The following LPP variants were observed in gnomAD, a reference collection of about 807,000 sequenced individuals.
The protein encoded by LPP is lipoma-preferred partner.
LPP carries 38 observed loss-of-function variants against 60.4 expected under a neutral mutation model. The ratio of observed to expected loss-of-function variants is 0.63; its 90% CI spans 0.49 to 0.83. The LOEUF (loss-of-function observed/expected upper bound fraction) is 0.83. LPP is among the 40% of genes least tolerant of loss of function. The pLI, the probability that LPP is intolerant of heterozygous loss-of-function variation, is 0.00. For missense variants in LPP, 902 were observed against 783.6 expected (o/e 1.15, Z -1.80); for synonymous variants, 328 against 290.8 (o/e 1.13, Z -1.30).
chr3:188,628,454 G>A (rs1027583656), intron 7 of LPP, among the ~76,000 whole-genome samples: 27 of 152,106 alleles, frequency 1.8e-4, no homozygotes, highest in African/African-American at 6.5e-4. Context: ...AAAACCCTCA[G>A]CGACTCTTAT....
At chr3:188,702,486 T>G (rs1051962638) in intron 7 of LPP, among the ~76,000 whole-genome samples, 6 of 152,162 alleles carry the variant, frequency 3.9e-5, no homozygotes, top group Non-Finnish European at 8.8e-5. Context: ...ATTGCCTATT[T>G]TCATGTCTCT....
At chr3:188,792,281 T>A (rs1280961533) in intron 9 of LPP, among the ~76,000 whole-genome samples, 2 of 152,210 alleles carry the variant, frequency 1.3e-5, no homozygotes, top group African/African-American at 4.8e-5. Context: ...TCCTTCTTAG[T>A]TTCAGCTCCA....
At chr3:188,466,704 C>G (rs1379608096) in intron 4 of LPP, among the ~76,000 whole-genome samples, 1 of 149,148 alleles carries the variant, frequency 6.7e-6, no homozygotes, top group Non-Finnish European at 1.5e-5. Context: ...CTTTCTATAT[C>G]ATGACAGTAG....
chr3:188,672,676 C>T (rs1013052812), intron 7 of LPP, among the ~76,000 whole-genome samples: 1 of 152,168 alleles, frequency 6.6e-6, no homozygotes, highest in African/African-American at 2.4e-5. Context: ...TGTGCCCTTC[C>T]TCTTCCTATA....
chr3:188,683,565 C>T (rs1420227065), intron 7 of LPP, among the ~76,000 whole-genome samples: 1 of 152,134 alleles, frequency 6.6e-6, no homozygotes, highest in Non-Finnish European at 1.5e-5. Context: ...GTAGGAGTTG[C>T]TGTGTCCATT....
At chr3:188,560,578 A>G (rs1036953720) in intron 6 of LPP, among the ~76,000 whole-genome samples, 15 of 152,088 alleles carry the variant, frequency 9.9e-5, no homozygotes, top group South Asian at 8.3e-4. Flanking sequence ...TTAAATGACA[A>G]TCCTATACCT....
Position 188,199,897 on chromosome 3 carries a change from T to C in LPP, c.-189-25508T>C, listed in dbSNP as rs146716624. On this transcript the variant is annotated intron_variant, in intron 1 of 11. Transcript: ENST00000617246. ...GCCCAGCTAACTTTTGTATTTTTAG[T>C]AGAGACGGGGTTTCACCATGTTGGC... is the stretch of plus-strand genomic sequence containing the variant. Among the ~76,000 whole-genome samples the C allele has an allele frequency of 5.9e-4, 90 of 152,106 alleles. 1 individual carries two copies. Among genetic ancestry groups the C allele is most frequent in the African/African-American group, 2.0e-3 (85 of 41,504 alleles).
At chr3:188,380,654 G>T (rs990898303) in intron 3 of LPP, among the ~76,000 whole-genome samples, 13 of 152,148 alleles carry the variant, frequency 8.5e-5, no homozygotes, top group African/African-American at 2.9e-4. Context: ...GAGATTACAT[G>T]GTTCAAATGT....
At chr3:188,592,774 A>T (rs1251309104) in intron 6 of LPP, among the ~76,000 whole-genome samples, 1 of 151,708 alleles carries the variant, frequency 6.6e-6, no homozygotes, top group African/African-American at 2.4e-5. Context: ...ACTCCTAACC[A>T]GGTGATCTGC....
intron 7 of LPP, among the ~76,000 whole-genome samples, chr3:188,635,778 C>A (rs1287204524): frequency 2.0e-5 from 3 of 152,210 alleles, no homozygotes; most frequent in Admixed American, 6.5e-5. Flanking sequence ...CCCAGTGGCA[C>A]AATAAGCACT....
chr3:188,348,266 C>T (rs1285636548), intron 3 of LPP, among the ~76,000 whole-genome samples: 3 of 152,050 alleles, frequency 2.0e-5, no homozygotes, highest in Non-Finnish European at 4.4e-5. Flanking sequence ...CCTGCTTCAG[C>T]CTCTGTAGTA....
intron 4 of LPP, among the ~76,000 whole-genome samples, chr3:188,415,522 C>G (rs1362243798): frequency 6.6e-6 from 1 of 150,846 alleles, no homozygotes; most frequent in East Asian, 1.9e-4. Context: ...ATCATAATGA[C>G]AAAACACTGG....
intron 3 of LPP, among the ~76,000 whole-genome samples, chr3:188,359,229 G>A (rs186603352): frequency 1.3e-5 from 2 of 152,280 alleles, no homozygotes; most frequent in Admixed American, 6.5e-5. Context: ...AGAAGTTAGA[G>A]CACGTTTGCC....
chr3:188,746,602 A>G, intron 8 of LPP: 1 of 473,888 alleles, frequency 2.1e-6, no homozygotes, highest in South Asian at 1.6e-5. Flanking sequence ...ATAAAATCAC[A>G]TAGCTGATGC....
At chr3:188,645,896 T>A (rs145501584) in intron 7 of LPP, among the ~76,000 whole-genome samples, 5 of 151,264 alleles carry the variant, frequency 3.3e-5, no homozygotes, top group Admixed American at 2.6e-4. Flanking sequence ...GGAAAAAAAA[T>A]GTTTATAATC....
intron 5 of LPP, among the ~76,000 whole-genome samples, chr3:188,514,629 A>G (rs55642128): frequency 0.33 from 50,693 of 151,656 alleles, 9,754 homozygotes; most frequent in Middle Eastern, 0.54. Context: ...TTTAGTAGAG[A>G]TGGCGTTTCG....
In LPP at chr3:188,825,269, CTGTGTGTG is replaced by C. The variant is rs3057956; in HGVS notation, c.1411-40891_1411-40884del. ...TCTTTCTCTCTCTCTCTCTCTCTCT[CTGTGTGTG>C]TGTGTGTGTGTGTGTGTGTGTGTGT... is the stretch of plus-strand genomic sequence containing the variant. On this transcript the variant is annotated intron_variant, in intron 9 of 11. Transcript: ENST00000617246. 4.2e-3 allele frequency among the ~76,000 whole-genome samples: 427 copies of C among 101,702 alleles called. 2 individuals carry two copies. The highest frequency in any genetic ancestry group is 0.012 in the South Asian group (27 of 2,280). The allele number at this position is 101,702 out of a possible 152,430, so 66.7% of individuals were successfully genotyped here.
rs374062244 is a variant in LPP, at chr3:188,544,265, A to G, written c.429+19478A>G. ...ATAGCTCTGGATTTGGAGTGAAAAG[A>G]TACACATGTTCAACTTTTGATTTGC... On this transcript the variant is annotated intron_variant, in intron 6 of 11. Transcript: ENST00000617246. Among the ~76,000 whole-genome samples, 5 of 152,284 alleles carry G rather than the reference A, an allele frequency of 3.3e-5. No individual in the cohort carries two copies. The East Asian group carries it at 9.7e-4, about 29-fold the overall frequency.
intron 7 of LPP, among the ~76,000 whole-genome samples, chr3:188,674,236 A>G (rs1456852675): frequency 2.0e-5 from 3 of 152,176 alleles, no homozygotes; most frequent in East Asian, 3.9e-4. Context: ...TGGAAGCTTT[A>G]TATCTCAAAA....
Sources: allele counts gnomAD v4.1 joint callset (sites outside exome capture counted in the v4.1 genomes callset), GRCh38; gene constraint gnomAD v4.1.1; transcripts MANE v1.5; gene names NCBI Gene and HGNC (gene_info 2026-07-23, HGNC 2026-07-21).